The following SLC39A11 variants were observed in gnomAD, a reference collection of about 807,000 sequenced individuals.
SLC39A11 encodes the protein zinc transporter ZIP11.
In SLC39A11, 33 loss-of-function variants were observed where a neutral mutation model predicts 36.1. That is an observed-to-expected ratio of 0.91 (90% CI 0.69 to 1.22). The LOEUF is 1.22. Ranked by LOEUF, SLC39A11 falls within the 50% of genes most tolerant of loss-of-function variation. The pLI is 0.00. For synonymous variants in SLC39A11, 166 were observed against 170.3 expected (o/e 0.97, Z 0.20); for missense variants, 432 against 430.3 (o/e 1.00, Z -0.03).
At chr17:73,006,175 G>C (rs2090170000) in intron 4 of SLC39A11, among the ~76,000 whole-genome samples, 1 of 152,230 alleles carries the variant, frequency 6.6e-6, no homozygotes, top group South Asian at 2.1e-4. Flanking sequence ...CATGAGATGA[G>C]ATTAAAAGTG....
At chr17:72,830,303 A>C (rs114447050) in intron 6 of SLC39A11, among the ~76,000 whole-genome samples, 38 of 151,676 alleles carry the variant, frequency 2.5e-4, no homozygotes, top group African/African-American at 9.2e-4. Context: ...AAGCTTCAAC[A>C]AAGAATCCCT....
At position 73,085,352 on chromosome 17, in the gene SLC39A11, C is replaced by CA. The variant is rs34697484; in HGVS notation, c.109-507dup. Among the ~76,000 whole-genome samples, 557 of 150,630 alleles carry CA rather than the reference C, an allele frequency of 3.7e-3. 2 individuals carry two copies. Among genetic ancestry groups the CA allele is most frequent in the African/African-American group, 0.012 (499 of 41,044 alleles). On this transcript the variant is annotated intron_variant, in intron 2 of 9. Coordinates refer to ENST00000255559, the MANE Select transcript of SLC39A11 (RefSeq NM_139177.4). Reference sequence around the variant, plus strand: ...TGAAACCCCATCTCTACTAAAAATACAAAAAAAAATAGGCTGGGTGCAAGG... The same window carrying CA: ...TGAAACCCCATCTCTACTAAAAATACAAAAAAAAAATAGGCTGGGTGCAAGG...
At chr17:72,753,834 C>T (rs1330587921) in intron 6 of SLC39A11, among the ~76,000 whole-genome samples, 1 of 140,628 alleles carries the variant, frequency 7.1e-6, no homozygotes, top group Non-Finnish European at 1.5e-5. Context: ...GTAGAACTAC[C>T]ACTGGATCCA....
At chr17:72,951,215 T>A (rs1190133877) in intron 4 of SLC39A11, among the ~76,000 whole-genome samples, 2 of 135,538 alleles carry the variant, frequency 1.5e-5, no homozygotes, top group African/African-American at 5.6e-5. Context: ...TGGGCCAAGA[T>A]CACACTACTG....
chr17:72,971,470 C>A (rs998671099), intron 4 of SLC39A11, among the ~76,000 whole-genome samples: 9 of 152,140 alleles, frequency 5.9e-5, no homozygotes, highest in African/African-American at 2.2e-4. Flanking sequence ...AAAATCTCAG[C>A]CCTTTATTTC....
At chr17:72,995,173 C>A (rs566140808) in intron 4 of SLC39A11, among the ~76,000 whole-genome samples, 1 of 145,026 alleles carries the variant, frequency 6.9e-6, no homozygotes, top group Admixed American at 6.9e-5. Context: ...GCAACCATGC[C>A]CTTGTCATGG....
chr17:72,863,956 C>T lies in SLC39A11; in HGVS notation c.431-14152G>A, dbSNP rs114795090. ...ACCAAAACAGAAAAACAGGGGAAAA[C>T]CCATAAAACATCTCTAAAGTTGAGT... On this transcript the variant is annotated intron_variant, in intron 5 of 9. Transcript: ENST00000255559. Among the ~76,000 whole-genome samples, 1,432 of 152,254 alleles carry T rather than the reference C, an allele frequency of 9.4e-3. 18 individuals carry two copies. The highest frequency in any genetic ancestry group is 0.033 in the African/African-American group (1,355 of 41,528).
At chr17:72,847,076 T>G (rs1239353440) in intron 6 of SLC39A11, among the ~76,000 whole-genome samples, 1 of 152,072 alleles carries the variant, frequency 6.6e-6, no homozygotes, top group Non-Finnish European at 1.5e-5. Context: ...AGACCCCATC[T>G]TTATCTCAAG....
At chr17:72,945,043 A>AGATGGACGGATGGATG (rs141534006) in intron 5 of SLC39A11, among the ~76,000 whole-genome samples, 7 of 151,064 alleles carry the variant, frequency 4.6e-5, no homozygotes, top group African/African-American at 1.7e-4. Flanking sequence ...AGCTAATTGG[A>AGATGGACGGATGGATG]GATGGATGGA....
chr17:72,785,629 A>C (rs1255071338), intron 6 of SLC39A11, among the ~76,000 whole-genome samples: 2 of 152,206 alleles, frequency 1.3e-5, no homozygotes, highest in Non-Finnish European at 2.9e-5. Flanking sequence ...ATTATCAGAG[A>C]GGACGTAGGA....
chr17:72,992,393 T>C (rs1416052107), intron 4 of SLC39A11, among the ~76,000 whole-genome samples: 2 of 152,180 alleles, frequency 1.3e-5, no homozygotes, highest in Non-Finnish European at 2.9e-5. Context: ...ATAATTTAAA[T>C]TGCATTCCCT....
intron 6 of SLC39A11, among the ~76,000 whole-genome samples, chr17:72,753,903 A>C (rs1157831521): frequency 2.7e-5 from 4 of 149,608 alleles, no homozygotes; most frequent in Non-Finnish European, 5.9e-5. Context: ...AAAAAAAAAA[A>C]AAAAAAAAAC....
chr17:72,735,590 G>A (rs1278610599), intron 7 of SLC39A11, among the ~76,000 whole-genome samples: 5 of 152,180 alleles, frequency 3.3e-5, no homozygotes, highest in Non-Finnish European at 4.4e-5. Context: ...GTGAATTCAA[G>A]TACCTTTAGA....
At chr17:73,067,943 A>C in intron 3 of SLC39A11, 1 of 1,601,668 alleles carries the variant, frequency 6.2e-7, no homozygotes, top group Non-Finnish European at 8.5e-7. Context: ...GAGAGTTCCA[A>C]CTTCTTGGTC....
chr17:72,967,015 C>T (rs900396445), intron 4 of SLC39A11, among the ~76,000 whole-genome samples: 1 of 152,160 alleles, frequency 6.6e-6, no homozygotes, highest in African/African-American at 2.4e-5. Context: ...TTGCGCGTTC[C>T]TTATGAGAAT....
intron 4 of SLC39A11, among the ~76,000 whole-genome samples, chr17:72,980,258 C>T (rs558625763): frequency 3.6e-4 from 55 of 152,160 alleles, no homozygotes; most frequent in African/African-American, 1.2e-3. Context: ...GCAAAAACAA[C>T]GGCCAGATGG....
intron 6 of SLC39A11, among the ~76,000 whole-genome samples, chr17:72,783,127 T>C (rs1319710736): frequency 1.2e-5 from 1 of 85,200 alleles, no homozygotes; most frequent in African/African-American, 3.6e-5. Flanking sequence ...AGAAAGCAGA[T>C]GATTCTCACC....
At chr17:73,084,578 C>T (rs2060658058) in intron 3 of SLC39A11, among the ~76,000 whole-genome samples, 1 of 151,960 alleles carries the variant, frequency 6.6e-6, no homozygotes, top group African/African-American at 2.4e-5. Context: ...GATCTTATTT[C>T]CCTAGTCCTG....
chr17:72,684,454 C>T (rs114212011), intron 7 of SLC39A11, among the ~76,000 whole-genome samples: 1 of 152,234 alleles, frequency 6.6e-6, no homozygotes, highest in East Asian at 1.9e-4. Flanking sequence ...GACACAGCCA[C>T]TGTCCCAGGT....
Sources: allele counts gnomAD v4.1 joint callset (sites outside exome capture counted in the v4.1 genomes callset), GRCh38; gene constraint gnomAD v4.1.1; transcripts MANE v1.5; gene names NCBI Gene and HGNC (gene_info 2026-07-23, HGNC 2026-07-21).